The following ZNF445 variants were observed in gnomAD, a reference collection of about 807,000 sequenced individuals.
ZNF445 encodes the protein zinc finger protein 168.
A neutral mutation model predicts 93.9 loss-of-function variants in ZNF445; 19 were observed. That is an observed-to-expected ratio of 0.20 (90% CI 0.14 to 0.30). ZNF445 has a LOEUF of 0.30. Ranked by LOEUF, ZNF445 falls within the 10% of genes least tolerant of loss-of-function variation. The pLI is 1.00. For synonymous variants in ZNF445, 449 were observed against 446.3 expected, an observed-to-expected ratio of 1.01 and a Z score of -0.08; for missense variants, 1,058 against 1,259.4, an observed-to-expected ratio of 0.84 and a Z score of 2.42.
chr3:44,454,949 A>G (rs1698007364), intron 3 of ZNF445, 172 bp downstream of exon 3: 1 of 711,512 alleles, frequency 1.4e-6, no homozygotes, highest in African/African-American at 1.8e-5. Flanking sequence ...TACCTGCTAA[A>G]GGGTCCGTGG....
chr3:44,433,677 A>G lies in ZNF445; in HGVS notation c.*12898T>C, dbSNP rs1363816642. On this transcript the variant is annotated 3_prime_UTR_variant, in exon 8 of 8. Transcript: ENST00000396077. ...GCCGGACCTGCAGAGAGAGAGTGGGAAAGTGGAGAACCATCAGCTCACTTT... is the reference window on the plus strand; with the variant it reads ...GCCGGACCTGCAGAGAGAGAGTGGGGAAGTGGAGAACCATCAGCTCACTTT... 2.0e-5 allele frequency: 3 copies of G among 152,186 alleles called. No individual in the cohort carries two copies. In the East Asian group the frequency reaches 5.8e-4, roughly 29 times the overall value. 9.4% of individuals were successfully genotyped at this position (152,186 alleles called of 1,614,324 possible). A position where few individuals can be genotyped will look rare whatever the true frequency, so the allele number is the denominator to read the frequency against.
chr3:44,459,720 T>G (rs1275253562), intron 1 of ZNF445, among the ~76,000 whole-genome samples: 2 of 152,184 alleles, frequency 1.3e-5, no homozygotes, highest in Non-Finnish European at 2.9e-5. Context: ...ACATATATAT[T>G]TGGTCTATGA....
intron 1 of ZNF445, among the ~76,000 whole-genome samples, chr3:44,467,272 TG>T (rs1698209476): frequency 6.6e-6 from 1 of 152,260 alleles, no homozygotes; most frequent in African/African-American, 2.4e-5. Flanking sequence ...ATCCAGAATT[TG>T]GAAACTATAT....
intron 1 of ZNF445, among the ~76,000 whole-genome samples, chr3:44,469,516 C>T (rs1698237627): frequency 6.6e-6 from 1 of 152,144 alleles, no homozygotes; most frequent in African/African-American, 2.4e-5. Flanking sequence ...CACCTGTAAT[C>T]CCAGCACTTT....
chr3:44,458,042 T>C (rs1698057493), intron 2 of ZNF445, among the ~76,000 whole-genome samples: 4 of 147,770 alleles, frequency 2.7e-5, no homozygotes, highest in Non-Finnish European at 5.9e-5. Flanking sequence ...GGATCAGACT[T>C]AAACGTAAGC....
rs1480930879 is a variant in ZNF445, at chr3:44,437,451, T to G, written c.*9124A>C. 1 of 152,004 alleles carries G rather than the reference T, an allele frequency of 6.6e-6. No homozygotes were observed. The highest frequency in any genetic ancestry group is 1.9e-4 in the East Asian group (1 of 5,156). 9.4% of individuals were successfully genotyped at this position (152,004 alleles called of 1,614,324 possible). A position where few individuals can be genotyped will look rare whatever the true frequency, so the allele number is the denominator to read the frequency against. ...CTCTTAAGAGAGTTCTTGGATCTCG[T>G]GCAAGAAAGGATTCAGGGCAAGTCC... is the stretch of plus-strand genomic sequence containing the variant. On this transcript the variant is annotated 3_prime_UTR_variant, in exon 8 of 8. Coordinates refer to ENST00000396077, the MANE Select transcript of ZNF445 (RefSeq NM_181489.6).
rs961788587 is a variant in ZNF445, at chr3:44,433,673, T to C, written c.*12902A>G. On this transcript the variant is annotated 3_prime_UTR_variant, in exon 8 of 8. Transcript: ENST00000396077. Reference sequence around the variant, plus strand: ...AGGAGCCGGACCTGCAGAGAGAGAGTGGGAAAGTGGAGAACCATCAGCTCA... The same window carrying C: ...AGGAGCCGGACCTGCAGAGAGAGAGCGGGAAAGTGGAGAACCATCAGCTCA... 3 of 151,798 alleles carry C rather than the reference T, an allele frequency of 2.0e-5. No homozygotes were observed. The highest frequency in any genetic ancestry group is 2.9e-5 in the Non-Finnish European group (2 of 67,994). The allele number at this position is 151,798 out of a possible 1,614,324, so 9.4% of individuals were successfully genotyped here. A position where few individuals can be genotyped will look rare whatever the true frequency, so the allele number is the denominator to read the frequency against.
chr3:44,474,633 C>T (rs185721054), intron 1 of ZNF445, among the ~76,000 whole-genome samples: 1 of 152,210 alleles, frequency 6.6e-6, no homozygotes, highest in Non-Finnish European at 1.5e-5. Flanking sequence ...GACAACTAAA[C>T]GTAATGAGGA....
At position 44,438,023 on chromosome 3, in the gene ZNF445, C is replaced by T. The variant is rs796819852; in HGVS notation, c.*8552G>A. The T allele has an allele frequency of 1.3e-5, 2 of 152,890 alleles. No individual in the cohort carries two copies. The highest frequency in any genetic ancestry group is 4.8e-5 in the African/African-American group (2 of 41,546). The allele number at this position is 152,890 out of a possible 1,614,324, so 9.5% of individuals were successfully genotyped here. A position where few individuals can be genotyped will look rare whatever the true frequency, so the allele number is the denominator to read the frequency against. ...AATACCTCTGACACTTTTACCCAGCCCCTATTCAACATGGAGTTGCTCTCG... is the reference window on the plus strand; with the variant it reads ...AATACCTCTGACACTTTTACCCAGCTCCTATTCAACATGGAGTTGCTCTCG... On this transcript the variant is annotated 3_prime_UTR_variant, in exon 8 of 8. Transcript: ENST00000396077.
chr3:44,476,505 G>A (rs946809268), intron 1 of ZNF445, among the ~76,000 whole-genome samples: 3 of 151,956 alleles, frequency 2.0e-5, no homozygotes, highest in Admixed American at 6.6e-5. Flanking sequence ...AACACATGGA[G>A]GCTCTCTGAA....
At position 44,442,727 on chromosome 3, in the gene ZNF445, G is replaced by A. The variant is rs1559387892; in HGVS notation, c.*3848C>T. 4 of 152,244 alleles carry A rather than the reference G, an allele frequency of 2.6e-5. No individual in the cohort carries two copies. The highest frequency in any genetic ancestry group is 4.8e-5 in the African/African-American group (2 of 41,448). 9.4% of individuals were successfully genotyped at this position (152,244 alleles called of 1,614,324 possible). A position where few individuals can be genotyped will look rare whatever the true frequency, so the allele number is the denominator to read the frequency against. ...TCCAGGCCAGGATGAGATGCAAGAT[G>A]AGACCTGGTGCTCAGGGCAATCAGA... On this transcript the variant is annotated 3_prime_UTR_variant, in exon 8 of 8. Transcript: ENST00000396077.
At chr3:44,449,994 G>A (rs747461212) in intron 6 of ZNF445, 7 of 300,584 alleles carry the variant, frequency 2.3e-5, no homozygotes, top group Non-Finnish European at 3.8e-5. Flanking sequence ...AAGCTGGAGT[G>A]CAGTGGTGCG....
At position 44,448,425 on chromosome 3, in the gene ZNF445, C is replaced by G. The variant is rs1372969984; in HGVS notation, c.1246G>C (p.Gly416Arg). The G allele has an allele frequency of 6.2e-7, 1 of 1,614,130 alleles. No homozygotes were observed. Among genetic ancestry groups the G allele is most frequent in the South Asian group, 1.1e-5 (1 of 91,058 alleles). Residue 416 changes from glycine to arginine, a missense_variant, in exon 8 of 8, where the codon GGC (glycine) becomes CGC (arginine). Physicochemically the swap from Gly to Arg is moderately radical, Grantham distance 125. Coordinates refer to ENST00000396077, the MANE Select transcript of ZNF445 (RefSeq NM_181489.6). ...CTCATTCTGAAGTGTTTGCCACAGC[C>G]ATGTTTAAGGGATTCCTTTCTTCCA... The part of the protein sequence containing the change: ...VSGRKESLKH[G>R]CGKHFRMSSH...
At chr3:44,474,884 T>C (rs1698322911) in intron 1 of ZNF445, among the ~76,000 whole-genome samples, 1 of 151,906 alleles carries the variant, frequency 6.6e-6, no homozygotes, top group Non-Finnish European at 1.5e-5. Flanking sequence ...GTAATCCTAG[T>C]ACTTTGGACG....
intron 1 of ZNF445, among the ~76,000 whole-genome samples, chr3:44,464,505 C>G (rs1049435917): frequency 6.6e-6 from 1 of 152,074 alleles, no homozygotes; most frequent in African/African-American, 2.4e-5. Flanking sequence ...ACTTTTAATG[C>G]CTTTTCGTTC....
chr3:44,449,686 C>G, intron 6 of ZNF445, 63 bp from the exon 7 acceptor site: 2 of 1,387,310 alleles, frequency 1.4e-6, no homozygotes, highest in Non-Finnish European at 2.0e-6. Flanking sequence ...CTCTTCAGGA[C>G]CTCTGGGCCT....
Position 44,446,623 on chromosome 3 carries a change from C to T in ZNF445, c.3048G>A (p.Arg1016=). The change falls in exon 8 of 8, where the codon AGG becomes AGA. Residue 1016 remains arginine, a synonymous_variant. Coordinates refer to ENST00000396077, the MANE Select transcript of ZNF445 (RefSeq NM_181489.6). The surrounding 1 kb of genome is among the most constrained non-coding windows in gnomAD (Gnocchi z 4.2). ...TATGCCGAGCCAGGTTCGAAGACCA[C>T]CTGAAGGTCTTTCCACACTTGCTGC... ...FKCSKCGKTF[R]WSSNLARHMK... is the part of the protein sequence containing the mutation. 6.2e-7 allele frequency: 1 copy of T among 1,614,214 alleles called. No individual in the cohort carries two copies. The highest frequency in any genetic ancestry group is 8.5e-7 in the Non-Finnish European group (1 of 1,180,054).
chr3:44,437,222 A>G lies in ZNF445; in HGVS notation c.*9353T>C, dbSNP rs1697699145. ...GGAGGGTAGCAGTGAGGATGACCAGAGGTCATTCTCATCACCGTCTTGGTT... is the reference window on the plus strand; with the variant it reads ...GGAGGGTAGCAGTGAGGATGACCAGGGGTCATTCTCATCACCGTCTTGGTT... On this transcript the variant is annotated 3_prime_UTR_variant, in exon 8 of 8. Transcript: ENST00000396077. The G allele has an allele frequency of 6.6e-6, 1 of 152,154 alleles. No homozygotes were observed. The highest frequency in any genetic ancestry group is 2.1e-4 in the South Asian group (1 of 4,832). The allele number at this position is 152,154 out of a possible 1,614,324, so 9.4% of individuals were successfully genotyped here.
At position 44,446,761 on chromosome 3, in the gene ZNF445, G is replaced by A; in HGVS notation, c.2910C>T (p.Asp970=). The change falls in exon 8 of 8, where the codon GAC becomes GAT. Residue 970 remains aspartate, a synonymous_variant. Transcript: ENST00000396077. The surrounding 1 kb of genome is among the most constrained non-coding windows in gnomAD (Gnocchi z 4.2). The part of the protein sequence containing the change: ...SQSSRLTGLQ[D]ISIGKKCHKC... ...TGTGGCACTTTTTCCCAATGCTTAT[G>A]TCCTGGAGTCCAGTGAGCCTGGAGC... 2 of 1,614,158 alleles carry A rather than the reference G, an allele frequency of 1.2e-6. No homozygotes were observed. Among genetic ancestry groups the A allele is most frequent in the Non-Finnish European group, 1.7e-6 (2 of 1,180,024 alleles).
Sources: gnomAD v4.1 joint callset for allele counts (sites outside exome capture counted in the v4.1 genomes callset) on GRCh38, gnomAD v4.1.1 for gene constraint, Gnocchi (gnomAD v3.1) non-coding constraint, MANE v1.5 for transcripts, NCBI Gene and HGNC (gene_info 2026-07-23, HGNC 2026-07-21) for gene names.